NTNG1: variants seen among roughly 807,000 people sequenced by gnomAD.
The protein encoded by NTNG1 is netrin-G1.
A neutral mutation model predicts 54.0 loss-of-function variants in NTNG1; 16 were observed. That is an observed-to-expected ratio of 0.30 (90% confidence interval 0.20 to 0.45). The LOEUF is 0.45. NTNG1 is among the 20% of genes least tolerant of loss of function. NTNG1 has a pLI of 1.00. For missense variants in NTNG1, 530 were observed against 678.7 expected, an observed-to-expected ratio of 0.78 and a Z score of 2.43; for synonymous variants, 255 against 263.1, an observed-to-expected ratio of 0.97 and a Z score of 0.30.
intron 2 of NTNG1, among the ~76,000 whole-genome samples, chr1:107,189,524 A>T (rs1657744688): frequency 1.3e-5 from 2 of 151,808 alleles, no homozygotes; most frequent in Non-Finnish European, 2.9e-5. Context: ...TGTTTGCTAC[A>T]CAAGTATCTT....
intron 2 of NTNG1, among the ~76,000 whole-genome samples, chr1:107,163,268 AT>A (rs1655542994): frequency 6.6e-6 from 1 of 152,118 alleles, no homozygotes; most frequent in African/African-American, 2.4e-5. Context: ...TGGATATTTT[AT>A]TTGGATTTAA....
At position 107,484,560 on chromosome 1, in the gene NTNG1, A is replaced by G. The variant is rs1022394191; in HGVS notation, c.*3720A>G. The stretch of plus-strand genomic sequence containing the variant: ...CCTTGAGTCAGATCCCTAAGTTGGC[A>G]CAAACTGCTAACCACATAACACAAA... On this transcript the variant is annotated 3_prime_UTR_variant, in exon 8 of 8. Coordinates refer to ENST00000370068, the MANE Select transcript of NTNG1 (RefSeq NM_001113226.3). 6.6e-6 allele frequency among the ~76,000 whole-genome samples: 1 copy of G among 152,210 alleles called. No individual in the cohort carries two copies. The highest frequency in any genetic ancestry group is 1.5e-5 in the Non-Finnish European group (1 of 68,034).
rs568560452 is a variant in NTNG1 at position 107,188,160 on chromosome 1, A to G, written c.246+39321A>G. Among the ~76,000 whole-genome samples the G allele has an allele frequency of 2.0e-5, 3 of 152,186 alleles. No individual in the cohort carries two copies. The South Asian group carries it at 6.2e-4, about 32-fold the overall frequency. On this transcript the variant is annotated intron_variant, in intron 2 of 7. Transcript: ENST00000370068. ...ATCAATTGATTTTTTTTTTAAATCA[A>G]CAGTTCCGTAGTCCTGATTGATGTG... is the stretch of plus-strand genomic sequence containing the variant.
intron 3 of NTNG1, among the ~76,000 whole-genome samples, chr1:107,386,108 C>T (rs1190322455): frequency 4.7e-4 from 67 of 143,002 alleles, no homozygotes; most frequent in South Asian, 8.7e-4. Flanking sequence ...TATATATATA[C>T]ACATATATAT....
At chr1:107,354,394 G>A (rs889464619) in intron 3 of NTNG1, among the ~76,000 whole-genome samples, 36 of 147,674 alleles carry the variant, frequency 2.4e-4, no homozygotes, top group African/African-American at 7.5e-4. Context: ...GCTTGAACCC[G>A]GGAGGTGGAG....
chr1:107,146,461 C>G (rs1178356218), intron 1 of NTNG1, among the ~76,000 whole-genome samples: 2 of 151,918 alleles, frequency 1.3e-5, no homozygotes, highest in South Asian at 2.1e-4. Flanking sequence ...CTTAAAATTA[C>G]TAATGAATCT....
At chr1:107,417,266 T>C (rs957044257) in intron 5 of NTNG1, among the ~76,000 whole-genome samples, 2 of 152,118 alleles carry the variant, frequency 1.3e-5, no homozygotes, top group South Asian at 4.1e-4. Flanking sequence ...TGCCTTTGCC[T>C]TTGTGGATAT....
intron 2 of NTNG1, among the ~76,000 whole-genome samples, chr1:107,204,896 T>C (rs1283532617): frequency 6.6e-6 from 1 of 152,112 alleles, no homozygotes; most frequent in East Asian, 1.9e-4. Flanking sequence ...TTAGAGCTCC[T>C]ATTGAGAGCA....
chr1:107,322,545 T>C (rs1262923865), intron 2 of NTNG1, among the ~76,000 whole-genome samples: 1 of 152,088 alleles, frequency 6.6e-6, no homozygotes, highest in Non-Finnish European at 1.5e-5. Flanking sequence ...TAGCCCTCCA[T>C]AAAAAGCCTT....
intron 2 of NTNG1, among the ~76,000 whole-genome samples, chr1:107,297,232 TATATATATATATATGC>T (rs56972313): frequency 0.48 from 55,269 of 114,740 alleles, 12,511 homozygotes; most frequent in East Asian, 0.57. Flanking sequence ...TATATATATA[TATATATATATATATGC>T]GCACACACAC....
intron 2 of NTNG1, among the ~76,000 whole-genome samples, chr1:107,150,706 G>A (rs916282188): frequency 1.3e-5 from 2 of 152,144 alleles, no homozygotes; most frequent in African/African-American, 4.8e-5. Context: ...GAGAATGCTT[G>A]CTTAGCACTG....
At chr1:107,223,421 A>G (rs1461265260) in intron 2 of NTNG1, among the ~76,000 whole-genome samples, 2 of 152,146 alleles carry the variant, frequency 1.3e-5, no homozygotes. Context: ...GCCACAGATG[A>G]GAAAATTGTG....
At chr1:107,192,695 T>C (rs2101210532) in intron 2 of NTNG1, among the ~76,000 whole-genome samples, 1 of 152,244 alleles carries the variant, frequency 6.6e-6, no homozygotes, top group East Asian at 1.9e-4. Context: ...AATTTTAGGA[T>C]ACAAATGCCA....
rs530946346 is a variant in NTNG1 at position 107,478,739 on chromosome 1, G to C, written c.1391-1872G>C. On this transcript the variant is annotated intron_variant, in intron 7 of 7. Transcript: ENST00000370068. Reference sequence around the variant, plus strand: ...AACTTTAGCTGAAAACAGTTATCTGGATCTGTTTATTCCATGTTGCCCCAA... The same window carrying C: ...AACTTTAGCTGAAAACAGTTATCTGCATCTGTTTATTCCATGTTGCCCCAA... Among the ~76,000 whole-genome samples, 10 of 152,342 alleles carry C rather than the reference G, an allele frequency of 6.6e-5. 1 individual carries two copies. The South Asian group carries it at 2.1e-3, about 32-fold the overall frequency.
chr1:107,433,892 A>C (rs998458338), intron 6 of NTNG1, among the ~76,000 whole-genome samples: 1 of 152,218 alleles, frequency 6.6e-6, no homozygotes, highest in Non-Finnish European at 1.5e-5. Flanking sequence ...ATGAGACAGC[A>C]TGAACCTATT....
At position 107,419,511 on chromosome 1, in the gene NTNG1, T is replaced by C. The variant is rs182029772; in HGVS notation, c.1088-11239T>C. Among the ~76,000 whole-genome samples the C allele has an allele frequency of 3.5e-3, 538 of 152,020 alleles. 5 individuals carry two copies. Among genetic ancestry groups the C allele is most frequent in the African/African-American group, 0.012 (511 of 41,522 alleles). ...AGGCTGAGCAATAAACTTCATAAGC[T>C]GCAGTGTAATGTTAAATTTATATTA... is the stretch of plus-strand genomic sequence containing the variant. On this transcript the variant is annotated intron_variant, in intron 5 of 7. Coordinates refer to ENST00000370068, the MANE Select transcript of NTNG1 (RefSeq NM_001113226.3).
At chr1:107,202,554 C>T (rs1244413874) in intron 2 of NTNG1, among the ~76,000 whole-genome samples, 2 of 151,692 alleles carry the variant, frequency 1.3e-5, no homozygotes, top group Non-Finnish European at 3.0e-5. Flanking sequence ...TTTATAATTT[C>T]CTGACTCACT....
chr1:107,437,482 G>T (rs34066055), intron 7 of NTNG1, among the ~76,000 whole-genome samples: 3 of 152,134 alleles, frequency 2.0e-5, no homozygotes, highest in African/African-American at 7.2e-5. Flanking sequence ...AAGGCAGAAG[G>T]TTCCTTCCGT....
chr1:107,454,766 G>A (rs1395996043), intron 7 of NTNG1, among the ~76,000 whole-genome samples: 1 of 152,142 alleles, frequency 6.6e-6, no homozygotes, highest in Non-Finnish European at 1.5e-5. Flanking sequence ...CAGGCTCTTC[G>A]CATCATTTTA....
Sources: gnomAD v4.1 joint callset for allele counts (sites outside exome capture counted in the v4.1 genomes callset) on GRCh38, gnomAD v4.1.1 for gene constraint, MANE v1.5 for transcripts, NCBI Gene and HGNC (gene_info 2026-07-23, HGNC 2026-07-21) for gene names.